Variants in NIBAN1 observed in about 807,000 individuals in gnomAD.
NIBAN1 encodes the protein niban apoptosis regulator 1.
In NIBAN1, 81 loss-of-function variants were observed where a neutral mutation model predicts 75.1. That is an observed-to-expected ratio of 1.08 (90% CI 0.90 to 1.30). The LOEUF (loss-of-function observed/expected upper bound fraction) is 1.30, where lower values mean the gene tolerates loss of function less well. NIBAN1 is among the 50% of genes most tolerant of loss of function. The probability of loss-of-function intolerance (pLI) is 0.00; values close to 1 mark genes in which losing one functional copy is unlikely to be tolerated. For synonymous variants in NIBAN1, 436 were observed against 424.8 expected (o/e 1.03, Z -0.32); for missense variants, 1,133 against 1,128.1 (o/e 1.00, Z -0.06).
intron 8 of NIBAN1, among the ~76,000 whole-genome samples, chr1:184,820,773 C>A (rs1489476063): frequency 6.6e-6 from 1 of 152,238 alleles, no homozygotes; most frequent in African/African-American, 2.4e-5. Context: ...GGAATCTCAG[C>A]AAGTTACCGA....
intron 8 of NIBAN1, 110 bp from the exon 9 acceptor site, chr1:184,818,935 G>T: frequency 7.9e-7 from 1 of 1,263,826 alleles, no homozygotes; most frequent in Non-Finnish European, 1.1e-6. Context: ...TAACAGCCAA[G>T]GCAAGCTCAA....
intron 1 of NIBAN1, among the ~76,000 whole-genome samples, chr1:184,935,211 G>A (rs1220418921): frequency 1.3e-5 from 2 of 151,874 alleles, no homozygotes; most frequent in Non-Finnish European, 2.9e-5. Flanking sequence ...ATTTTCAGAG[G>A]GAAATAAAAA....
Position 184,936,638 on chromosome 1 carries a change from G to C in NIBAN1, c.56-37329C>G, listed in dbSNP as rs1317955958. On this transcript the variant is annotated intron_variant, in intron 1 of 13. Transcript: ENST00000367511. The stretch of plus-strand genomic sequence containing the variant: ...CTATTCCAGCTTTGGTAGCTACTGG[G>C]ACTCCTGGGCTTGTGGCTGCATCAC... Among the ~76,000 whole-genome samples, 3 of 152,180 alleles carry C rather than the reference G, an allele frequency of 2.0e-5. No individual in the cohort carries two copies. The East Asian group carries it at 5.8e-4, about 29-fold the overall frequency.
chr1:184,862,230 T>G (rs951082807), intron 5 of NIBAN1, among the ~76,000 whole-genome samples: 9 of 152,130 alleles, frequency 5.9e-5, no homozygotes, highest in Non-Finnish European at 1.2e-4. Context: ...GTGATGGAAG[T>G]GGCTAGCTAA....
chr1:184,900,705 G>C (rs959852578), intron 1 of NIBAN1, among the ~76,000 whole-genome samples: 1 of 152,106 alleles, frequency 6.6e-6, no homozygotes, highest in Non-Finnish European at 1.5e-5. Context: ...GAAAGGGTGG[G>C]TGTAGGAGCA....
chr1:184,801,322 G>A (rs909522634), intron 12 of NIBAN1, among the ~76,000 whole-genome samples: 3 of 152,124 alleles, frequency 2.0e-5, no homozygotes, highest in Non-Finnish European at 4.4e-5. Flanking sequence ...AGAGACATGA[G>A]CTTCAAAGAC....
At chr1:184,906,289 G>GCA (rs55646396) in intron 1 of NIBAN1, among the ~76,000 whole-genome samples, 8,585 of 140,326 alleles carry the variant, frequency 0.061, 274 homozygotes, top group Middle Eastern at 0.091. Flanking sequence ...ACACACACAT[G>GCA]CACACACACA....
intron 1 of NIBAN1, among the ~76,000 whole-genome samples, chr1:184,965,733 C>T (rs1484546229): frequency 2.6e-5 from 4 of 152,140 alleles, no homozygotes. Flanking sequence ...ATAATCTGTA[C>T]AACAAGCCCC....
Position 184,859,944 on chromosome 1 carries a change from T to G in NIBAN1, c.601+24689A>C, listed in dbSNP as rs997204579. Among the ~76,000 whole-genome samples the G allele has an allele frequency of 5.3e-5, 8 of 152,108 alleles. No individual in the cohort carries two copies. In the East Asian group the frequency reaches 9.6e-4, roughly 18 times the overall value. On this transcript the variant is annotated intron_variant, in intron 5 of 13. Coordinates refer to ENST00000367511, the MANE Select transcript of NIBAN1 (RefSeq NM_052966.4). ...CAGTTAGCCTACAACCAAGCACTCC[T>G]GCAAGTCAGAGCCATGGGAAAGTGG...
chr1:184,933,945 G>C lies in NIBAN1; in HGVS notation c.56-34636C>G, dbSNP rs1385763608. On this transcript the variant is annotated intron_variant, in intron 1 of 13. Transcript: ENST00000367511. ...AACCAACTGACCTCCCTGACATTGT[G>C]TGAAGCAGGAACATACCGAACCTTT... Among the ~76,000 whole-genome samples the C allele has an allele frequency of 2.0e-5, 3 of 152,224 alleles. No individual in the cohort carries two copies. The East Asian group carries it at 5.8e-4, about 29-fold the overall frequency.
chr1:184,967,921 C>CAAAATCCTTTATGGCTTT, intron 1 of NIBAN1, among the ~76,000 whole-genome samples: 1 of 74,548 alleles, frequency 1.3e-5, no homozygotes, highest in East Asian at 2.7e-4. Flanking sequence ...TCACAACTCA[C>CAAAATCCTTTATGGCTTT]GGCCGGGCGC....
chr1:184,799,246 T>C (rs1378260530), intron 12 of NIBAN1, among the ~76,000 whole-genome samples: 1 of 150,318 alleles, frequency 6.7e-6, no homozygotes, highest in Non-Finnish European at 1.5e-5. Context: ...CCTGTGTCCA[T>C]GTGTTCTCAT....
At chr1:184,825,263 G>C (rs989690456) in intron 6 of NIBAN1, among the ~76,000 whole-genome samples, 3 of 152,178 alleles carry the variant, frequency 2.0e-5, no homozygotes, top group African/African-American at 7.2e-5. Context: ...GAGAGTCTAA[G>C]CAAATGAAGA....
intron 9 of NIBAN1, among the ~76,000 whole-genome samples, chr1:184,814,203 T>A (rs1466635055): frequency 6.6e-6 from 1 of 152,226 alleles, no homozygotes; most frequent in Non-Finnish European, 1.5e-5. Flanking sequence ...ATGGCATTAT[T>A]GCTTTTTCCC....
intron 1 of NIBAN1, among the ~76,000 whole-genome samples, chr1:184,957,790 C>G (rs1415907493): frequency 6.6e-6 from 1 of 152,270 alleles, no homozygotes; most frequent in Admixed American, 6.5e-5. Flanking sequence ...TCAGATTCAG[C>G]GAGTCCTCAG....
chr1:184,798,475 T>A (rs191558671), intron 12 of NIBAN1, among the ~76,000 whole-genome samples: 121 of 152,352 alleles, frequency 7.9e-4, no homozygotes, highest in Non-Finnish European at 1.4e-3. Context: ...CCTTTCCTTG[T>A]ACTGGCCACG....
At chr1:184,967,219 CTG>C (rs761768686) in intron 1 of NIBAN1, among the ~76,000 whole-genome samples, 2,294 of 150,178 alleles carry the variant, frequency 0.015, 46 homozygotes, top group African/African-American at 0.047. Flanking sequence ...CTCTCTCTCT[CTG>C]TGTGTGTGTG....
intron 1 of NIBAN1, among the ~76,000 whole-genome samples, chr1:184,923,093 C>T (rs1032303793): frequency 6.6e-6 from 1 of 152,114 alleles, no homozygotes; most frequent in Non-Finnish European, 1.5e-5. Flanking sequence ...TCCATTTTTG[C>T]TTTTGTTGCC....
At chr1:184,804,971 G>C (rs1654153570) in intron 11 of NIBAN1, among the ~76,000 whole-genome samples, 1 of 151,990 alleles carries the variant, frequency 6.6e-6, no homozygotes, top group Non-Finnish European at 1.5e-5. Context: ...TGTATTTTTA[G>C]TAGAGACGGG....
Sources: gnomAD v4.1 joint callset for allele counts (sites outside exome capture counted in the v4.1 genomes callset) on GRCh38, gnomAD v4.1.1 for gene constraint, MANE v1.5 for transcripts, NCBI Gene and HGNC (gene_info 2026-07-23, HGNC 2026-07-21) for gene names.